Variants in SORCS2 observed in about 807,000 individuals in gnomAD.
The protein encoded by SORCS2 is VPS10 domain-containing receptor SorCS2.
In SORCS2, 100 loss-of-function variants were observed where a neutral mutation model predicts 141.6. The ratio of observed to expected loss-of-function variants is 0.71; its 90% CI spans 0.60 to 0.83. The LOEUF (loss-of-function observed/expected upper bound fraction) is 0.83, where lower values mean the gene tolerates loss of function less well. Ranked by LOEUF, SORCS2 falls within the 40% of genes least tolerant of loss-of-function variation. The pLI is 0.00. For missense variants in SORCS2, 1,646 were observed against 1,560.2 expected, an observed-to-expected ratio of 1.05 and a Z score of -0.93; for synonymous variants, 789 against 676.9, an observed-to-expected ratio of 1.17 and a Z score of -2.57.
chr4:7,267,863 C>T (rs911757769), intron 1 of SORCS2, among the ~76,000 whole-genome samples: 3 of 152,162 alleles, frequency 2.0e-5, no homozygotes, highest in East Asian at 1.9e-4. Context: ...TCTGGGTCAT[C>T]GGGGGTCTGT....
intron 1 of SORCS2, among the ~76,000 whole-genome samples, chr4:7,240,314 A>G (rs937280020): frequency 2.0e-5 from 3 of 152,226 alleles, no homozygotes; most frequent in African/African-American, 7.2e-5. Flanking sequence ...CTTTGTTCTT[A>G]TCAGGTTTTA....
chr4:7,646,933 G>C (rs1159912614), intron 4 of SORCS2, among the ~76,000 whole-genome samples: 2 of 152,196 alleles, frequency 1.3e-5, no homozygotes, highest in Non-Finnish European at 2.9e-5. Flanking sequence ...CCTGTTGGTG[G>C]AGTGTGACTT....
intron 3 of SORCS2, among the ~76,000 whole-genome samples, chr4:7,539,045 C>A (rs1712355693): frequency 1.3e-5 from 2 of 152,152 alleles, no homozygotes; most frequent in South Asian, 2.1e-4. Context: ...GAAATTGAGG[C>A]CCAGAGAGGC....
intron 1 of SORCS2, among the ~76,000 whole-genome samples, chr4:7,254,704 G>A (rs998444516): frequency 2.6e-5 from 4 of 152,244 alleles, no homozygotes; most frequent in African/African-American, 9.6e-5. Context: ...TTCCATGGAC[G>A]TGACTTTGGA....
chr4:7,411,640 C>T (rs4689737), intron 2 of SORCS2, among the ~76,000 whole-genome samples: 29,073 of 152,146 alleles, frequency 0.19, 2,915 homozygotes, highest in East Asian at 0.34. Context: ...ACCTGCCTTT[C>T]CTCCCTCCAT....
intron 9 of SORCS2, among the ~76,000 whole-genome samples, chr4:7,678,421 A>G (rs1485462085): frequency 6.7e-6 from 1 of 149,118 alleles, no homozygotes; most frequent in East Asian, 2.0e-4. Flanking sequence ...TGGTGGTTAC[A>G]AGCACAACTC....
At chr4:7,696,442 T>C (rs886372169) in intron 11 of SORCS2, among the ~76,000 whole-genome samples, 3 of 152,244 alleles carry the variant, frequency 2.0e-5, no homozygotes, top group African/African-American at 7.2e-5. Flanking sequence ...GTGCTTGTGC[T>C]GTTATGCACG....
At chr4:7,447,819 T>C (rs910669141) in intron 2 of SORCS2, among the ~76,000 whole-genome samples, 1 of 152,150 alleles carries the variant, frequency 6.6e-6, no homozygotes, top group Non-Finnish European at 1.5e-5. Flanking sequence ...TCCCAGGATG[T>C]CCCACAGATG....
intron 3 of SORCS2, among the ~76,000 whole-genome samples, chr4:7,586,636 C>T (rs187691233): frequency 3.0e-4 from 45 of 152,298 alleles, no homozygotes; most frequent in South Asian, 2.7e-3. Context: ...CAGCTCCATC[C>T]GTGTCCCGGC....
intron 3 of SORCS2, among the ~76,000 whole-genome samples, chr4:7,598,881 G>A (rs1323440627): frequency 6.6e-6 from 1 of 152,332 alleles, no homozygotes; most frequent in East Asian, 1.9e-4. Flanking sequence ...TATGGTTAAG[G>A]TGTCACTGCC....
intron 3 of SORCS2, among the ~76,000 whole-genome samples, chr4:7,553,477 C>G (rs1057294062): frequency 2.8e-4 from 42 of 152,170 alleles, no homozygotes; most frequent in East Asian, 3.9e-4. Context: ...AATTTTATAC[C>G]CAGCTAAGCT....
chr4:7,693,153 G>A (rs181239495), intron 11 of SORCS2, among the ~76,000 whole-genome samples: 4 of 152,110 alleles, frequency 2.6e-5, no homozygotes, highest in Admixed American at 2.0e-4. Flanking sequence ...GGAGTGAGTG[G>A]CATCTGAAGG....
intron 3 of SORCS2, among the ~76,000 whole-genome samples, chr4:7,613,457 A>G (rs1718554616): frequency 6.6e-6 from 1 of 152,194 alleles, no homozygotes; most frequent in African/African-American, 2.4e-5. Flanking sequence ...CTCCACCCAG[A>G]AGCAATAAGT....
At chr4:7,361,773 A>G (rs1721594902) in intron 1 of SORCS2, among the ~76,000 whole-genome samples, 1 of 151,890 alleles carries the variant, frequency 6.6e-6, no homozygotes, top group Admixed American at 6.5e-5. Flanking sequence ...TAAGAAAAAA[A>G]AAAACACAAC....
At chr4:7,439,886 G>A (rs1047446668) in intron 2 of SORCS2, among the ~76,000 whole-genome samples, 2 of 152,140 alleles carry the variant, frequency 1.3e-5, no homozygotes, top group Non-Finnish European at 2.9e-5. Context: ...GAATGTTTCT[G>A]TAGGGTGTGC....
At chr4:7,264,498 C>T (rs907583905) in intron 1 of SORCS2, among the ~76,000 whole-genome samples, 3 of 152,180 alleles carry the variant, frequency 2.0e-5, no homozygotes, top group Admixed American at 1.3e-4. Flanking sequence ...GAGTGTCTCC[C>T]GACCACCGGC....
At chr4:7,628,323 C>A (rs1002887698) in intron 3 of SORCS2, among the ~76,000 whole-genome samples, 10 of 152,080 alleles carry the variant, frequency 6.6e-5, no homozygotes, top group Non-Finnish European at 1.2e-4. Context: ...GAGATCCAGA[C>A]CATCCTGTGA....
intron 2 of SORCS2, among the ~76,000 whole-genome samples, chr4:7,396,900 AAAG>A: frequency 6.6e-6 from 1 of 152,276 alleles, no homozygotes; most frequent in Non-Finnish European, 1.5e-5. Flanking sequence ...ATGAGATGAG[AAAG>A]AAGGAGGATT....
At chr4:7,331,136 G>A (rs1051459379) in intron 1 of SORCS2, among the ~76,000 whole-genome samples, 1 of 152,182 alleles carries the variant, frequency 6.6e-6, no homozygotes, top group Non-Finnish European at 1.5e-5. Flanking sequence ...ACAGGGTGGA[G>A]GAACTGGTGA....
Sources: allele counts gnomAD v4.1 joint callset (sites outside exome capture counted in the v4.1 genomes callset), GRCh38; gene constraint gnomAD v4.1.1; transcripts MANE v1.5; gene names NCBI Gene and HGNC (gene_info 2026-07-23, HGNC 2026-07-21).